COG5: variants seen among roughly 807,000 people sequenced by gnomAD.
COG5 encodes component of oligomeric golgi complex 5, also known as conserved oligomeric Golgi complex subunit 5.
In COG5, 86 loss-of-function variants were observed where a neutral mutation model predicts 110.4. The ratio of observed to expected loss-of-function variants is 0.78; its 90% CI spans 0.65 to 0.93. The LOEUF is 0.93. Ranked by LOEUF, COG5 falls within the 40% of genes least tolerant of loss-of-function variation. The probability of loss-of-function intolerance (pLI) is 0.00; values close to 1 mark genes in which losing one functional copy is unlikely to be tolerated. For synonymous variants in COG5, 360 were observed against 334.6 expected (o/e 1.08, Z -0.83); for missense variants, 1,077 against 987.0 (o/e 1.09, Z -1.22).
chr7:107,456,931 A>T (rs1374668068), intron 6 of COG5, among the ~76,000 whole-genome samples: 2 of 152,218 alleles, frequency 1.3e-5, no homozygotes, highest in African/African-American at 4.8e-5. Flanking sequence ...AGCTGCCCTA[A>T]TATAGCTTAA....
chr7:107,326,213 G>A (rs971219498), intron 10 of COG5, among the ~76,000 whole-genome samples: 3 of 152,066 alleles, frequency 2.0e-5, no homozygotes, highest in East Asian at 1.9e-4. Context: ...TCCATGGTGC[G>A]AAACAGAAAG....
intron 10 of COG5, among the ~76,000 whole-genome samples, chr7:107,331,484 A>G (rs1244618234): frequency 1.3e-5 from 2 of 152,088 alleles, no homozygotes; most frequent in Non-Finnish European, 2.9e-5. Flanking sequence ...AAAGAAAAAG[A>G]AAATCACTCT....
intron 6 of COG5, among the ~76,000 whole-genome samples, chr7:107,466,299 A>C (rs914054313): frequency 1.8e-4 from 28 of 152,220 alleles, no homozygotes; most frequent in Non-Finnish European, 1.3e-4. Context: ...AAATTGTAAT[A>C]ATAGTCACAG....
At chr7:107,428,641 G>C (rs1466272929) in intron 6 of COG5, among the ~76,000 whole-genome samples, 2 of 152,162 alleles carry the variant, frequency 1.3e-5, no homozygotes, top group Non-Finnish European at 2.9e-5. Flanking sequence ...CACTCAGTTT[G>C]AGTAATGTGC....
chr7:107,342,221 G>A (rs1463343227), intron 10 of COG5, among the ~76,000 whole-genome samples: 1 of 151,814 alleles, frequency 6.6e-6, no homozygotes, highest in African/African-American at 2.4e-5. Context: ...GACATGAACA[G>A]GTACTTCTCA....
chr7:107,221,700 G>A (rs1224725692), intron 19 of COG5, among the ~76,000 whole-genome samples: 1 of 151,234 alleles, frequency 6.6e-6, no homozygotes, highest in Non-Finnish European at 1.5e-5. Context: ...GGGAGGCAGA[G>A]CTTGCAGTGA....
At chr7:107,378,893 C>T (rs759414782) in intron 7 of COG5, among the ~76,000 whole-genome samples, 5 of 152,112 alleles carry the variant, frequency 3.3e-5, no homozygotes, top group Non-Finnish European at 5.9e-5. Context: ...GCAAGACAGG[C>T]CAATATTCAA....
chr7:107,421,371 A>G (rs994573939), intron 6 of COG5, among the ~76,000 whole-genome samples: 4 of 152,226 alleles, frequency 2.6e-5, no homozygotes, highest in African/African-American at 9.6e-5. Flanking sequence ...TGACATCTAC[A>G]GAGCACTCCA....
chr7:107,321,426 G>A (rs543089039), intron 11 of COG5, among the ~76,000 whole-genome samples: 2 of 152,118 alleles, frequency 1.3e-5, no homozygotes, highest in African/African-American at 4.8e-5. Context: ...CAAAATCCCA[G>A]GAGTCAATTA....
chr7:107,340,248 CTA>C (rs1486906818), intron 10 of COG5, among the ~76,000 whole-genome samples: 2 of 152,100 alleles, frequency 1.3e-5, no homozygotes, highest in East Asian at 3.8e-4. Flanking sequence ...AGGAACATCT[CTA>C]TGCGTACAAA....
chr7:107,403,140 T>C (rs954544119), intron 7 of COG5, among the ~76,000 whole-genome samples: 6 of 152,132 alleles, frequency 3.9e-5, no homozygotes, highest in Non-Finnish European at 8.8e-5. Context: ...ACAATTTTGG[T>C]TTGGAAAGGA....
At position 107,558,363 on chromosome 7, in the gene COG5, C is replaced by T. The variant is rs375589256; in HGVS notation, c.95-248G>A. Reference sequence around the variant, plus strand: ...CTGTAATCCCAGCACTTTGGGAGGCCGAGGTGGGTGGATCACCTGAGGTCA... The same window carrying T: ...CTGTAATCCCAGCACTTTGGGAGGCTGAGGTGGGTGGATCACCTGAGGTCA... On this transcript the variant is annotated intron_variant, in intron 1 of 21. Coordinates refer to ENST00000297135, the MANE Select transcript of COG5 (RefSeq NM_006348.5). 4.9e-4 allele frequency among the ~76,000 whole-genome samples: 75 copies of T among 152,112 alleles called. 1 individual carries two copies. In the South Asian group the frequency reaches 0.015, roughly 30 times the overall value.
Position 107,434,709 on chromosome 7 carries a change from G to A in COG5, c.539-22077C>T, listed in dbSNP as rs180750519. Among the ~76,000 whole-genome samples, 402 of 152,124 alleles carry A rather than the reference G, an allele frequency of 2.6e-3. 5 individuals carry two copies. The highest frequency in any genetic ancestry group is 9.3e-3 in the African/African-American group (388 of 41,518). On this transcript the variant is annotated intron_variant, in intron 6 of 21. Transcript: ENST00000297135. ...AAATTGGCTGGGCGCGGTGGCTCAC[G>A]CCTGTAATCCCAGCACTTTGGGAGG...
chr7:107,423,889 G>A (rs762475086), intron 6 of COG5, among the ~76,000 whole-genome samples: 13 of 150,130 alleles, frequency 8.7e-5, no homozygotes, highest in South Asian at 2.1e-4. Context: ...AACAAATGAG[G>A]TAAAATTTAA....
chr7:107,260,801 A>C (rs1035549488), intron 14 of COG5, among the ~76,000 whole-genome samples: 2 of 152,146 alleles, frequency 1.3e-5, no homozygotes, highest in African/African-American at 4.8e-5. Context: ...AAAGTGAAAA[A>C]ATGTAAGTCT....
intron 6 of COG5, among the ~76,000 whole-genome samples, chr7:107,430,342 C>T (rs542197270): frequency 6.6e-6 from 1 of 152,304 alleles, no homozygotes; most frequent in East Asian, 1.9e-4. Flanking sequence ...TTTGAAAAGA[C>T]TATTCATTAC....
At chr7:107,510,960 C>T (rs1387718524) in intron 6 of COG5, among the ~76,000 whole-genome samples, 1 of 152,106 alleles carries the variant, frequency 6.6e-6, no homozygotes, top group East Asian at 1.9e-4. Flanking sequence ...CCAAAATTGA[C>T]ACCCTAACGT....
At chr7:107,394,897 A>G (rs1790878104) in intron 7 of COG5, among the ~76,000 whole-genome samples, 1 of 152,216 alleles carries the variant, frequency 6.6e-6, no homozygotes, top group African/African-American at 2.4e-5. Context: ...ATTCTTTAGA[A>G]GTTAAATTCT....
intron 10 of COG5, 42 bp from the exon 11 acceptor site, chr7:107,324,563 C>T (rs750958293): frequency 4.1e-5 from 50 of 1,216,800 alleles, no homozygotes; most frequent in Non-Finnish European, 5.4e-5. Flanking sequence ...TAAAAAAATG[C>T]ATTTATTTTA....
Sources: gnomAD v4.1 joint callset for allele counts (sites outside exome capture counted in the v4.1 genomes callset) on GRCh38, gnomAD v4.1.1 for gene constraint, MANE v1.5 for transcripts, NCBI Gene and HGNC (gene_info 2026-07-23, HGNC 2026-07-21) for gene names.